The following SLC44A5 variants were observed in gnomAD, a reference collection of about 807,000 sequenced individuals.
SLC44A5 encodes solute carrier family 44 member 5.
A neutral mutation model predicts 101.8 loss-of-function variants in SLC44A5; 57 were observed. The ratio of observed to expected loss-of-function variants is 0.56; its 90% CI spans 0.45 to 0.70. The LOEUF (loss-of-function observed/expected upper bound fraction) is 0.70, where lower values mean the gene tolerates loss of function less well. Among genes scored for constraint, SLC44A5 ranks in the 30% least tolerant of loss-of-function variants. The pLI, the probability that SLC44A5 is intolerant of heterozygous loss-of-function variation, is 0.00. For missense variants in SLC44A5, 737 were observed against 853.1 expected (o/e 0.86, Z 1.70); for synonymous variants, 281 against 290.9 (o/e 0.97, Z 0.35).
chr1:75,350,001 A>G (rs980033113), intron 3 of SLC44A5, among the ~76,000 whole-genome samples: 3 of 152,144 alleles, frequency 2.0e-5, no homozygotes, highest in African/African-American at 4.8e-5. Context: ...GGAAATAAGA[A>G]AGCACAACAT....
the SLC44A5 span, among the ~76,000 whole-genome samples, chr1:75,688,042 C>T: frequency 2.0e-5 from 3 of 152,294 alleles, no homozygotes; most frequent in South Asian, 2.1e-4. Flanking sequence ...AGTCATAGTG[C>T]CTCTGCTCTC....
intron 6 of SLC44A5, among the ~76,000 whole-genome samples, chr1:75,271,446 T>G (rs1651461391): frequency 6.6e-6 from 1 of 151,152 alleles, no homozygotes; most frequent in South Asian, 2.1e-4. Flanking sequence ...CACCTCCTCA[T>G]AGTCTCCCCC....
intron 2 of SLC44A5, 91 bp from the exon 3 acceptor site, chr1:75,396,712 T>C (rs1383703646): frequency 4.0e-6 from 4 of 1,011,542 alleles, no homozygotes; most frequent in Non-Finnish European, 6.3e-6. Context: ...TAAAAAATCT[T>C]AGTCTTTAGA....
In SLC44A5 at chr1:75,420,730, C is replaced by A. The variant is rs187226030; in HGVS notation, c.14-24109G>T. Reference sequence around the variant, plus strand: ...TACTTTTTTGTTGATACATTGACCACATTATTTTCTTAATAATTACGATAA... The same window carrying A: ...TACTTTTTTGTTGATACATTGACCAAATTATTTTCTTAATAATTACGATAA... On this transcript the variant is annotated intron_variant, in intron 2 of 23. Coordinates refer to ENST00000370859, the MANE Select transcript of SLC44A5 (RefSeq NM_001130058.2). Among the ~76,000 whole-genome samples, 7 of 152,182 alleles carry A rather than the reference C, an allele frequency of 4.6e-5. No homozygotes were observed. In the East Asian group the frequency reaches 1.2e-3, roughly 25 times the overall value.
At chr1:75,600,384 A>G (rs1023442189) in intron 1 of SLC44A5, among the ~76,000 whole-genome samples, 1 of 152,162 alleles carries the variant, frequency 6.6e-6, no homozygotes, top group South Asian at 2.1e-4. Context: ...AACTTTTTCA[A>G]TGTCATACTC....
intron 2 of SLC44A5, among the ~76,000 whole-genome samples, chr1:75,448,773 T>C (rs1665730843): frequency 6.6e-6 from 1 of 152,166 alleles, no homozygotes; most frequent in African/African-American, 2.4e-5. Context: ...GCCAAAAGGC[T>C]CATTTTGAAA....
intron 2 of SLC44A5, among the ~76,000 whole-genome samples, chr1:75,534,181 A>G (rs1319958511): frequency 6.6e-6 from 1 of 152,198 alleles, no homozygotes; most frequent in East Asian, 1.9e-4. Flanking sequence ...CTGCTTTTAA[A>G]TGTAAAGGAA....
At chr1:75,475,380 A>G (rs1037814693) in intron 2 of SLC44A5, among the ~76,000 whole-genome samples, 1 of 152,092 alleles carries the variant, frequency 6.6e-6, no homozygotes, top group Non-Finnish European at 1.5e-5. Flanking sequence ...TTGTTTTGCT[A>G]CTCCTCTTGG....
the SLC44A5 span, among the ~76,000 whole-genome samples, chr1:75,714,203 C>A: frequency 6.6e-6 from 1 of 152,098 alleles, no homozygotes; most frequent in Non-Finnish European, 1.5e-5. Context: ...AGGCTTTATC[C>A]CTGGGATAAA....
At chr1:75,680,089 C>T in the SLC44A5 span, among the ~76,000 whole-genome samples, 1 of 152,168 alleles carries the variant, frequency 6.6e-6, no homozygotes, top group Non-Finnish European at 1.5e-5. Flanking sequence ...GCACCCAATA[C>T]AGGAGCACCC....
chr1:75,480,587 C>T (rs1212444853), intron 2 of SLC44A5, among the ~76,000 whole-genome samples: 1 of 152,110 alleles, frequency 6.6e-6, no homozygotes, highest in Admixed American at 6.5e-5. Flanking sequence ...GCAAAAATCA[C>T]AAGCATTCTT....
rs1210864058 is a variant in SLC44A5, at chr1:75,203,801, C to A, written c.2080G>T (p.Ala694Ser). 6.5e-6 allele frequency: 10 copies of A among 1,549,320 alleles called. No individual in the cohort carries two copies. In the East Asian group the frequency reaches 2.5e-4, roughly 38 times the overall value. The stretch of plus-strand genomic sequence containing the variant: ...GGTTGACTCACATAATAAGGTCTTG[C>A]AGTAGAACCATCATTTCTTTCTAAA... ...EDLERNDGSTARPYYVSQPLL... is the reference protein window; with the variant it reads ...EDLERNDGSTSRPYYVSQPLL... The change falls in exon 24 of 24, where the codon GCA becomes TCA. Residue 694 changes from alanine (A) to serine (S), a missense_variant. Ala to Ser is a moderately conservative substitution (Grantham distance 99). Coordinates refer to ENST00000370859, the MANE Select transcript of SLC44A5 (RefSeq NM_001130058.2).
At chr1:75,471,397 A>T (rs1176642621) in intron 2 of SLC44A5, among the ~76,000 whole-genome samples, 1 of 151,870 alleles carries the variant, frequency 6.6e-6, no homozygotes, top group Non-Finnish European at 1.5e-5. Flanking sequence ...ACACACACAC[A>T]CACACACACA....
chr1:75,438,124 G>A (rs1302859602), intron 2 of SLC44A5, among the ~76,000 whole-genome samples: 2 of 152,084 alleles, frequency 1.3e-5, no homozygotes, highest in Non-Finnish European at 2.9e-5. Flanking sequence ...TACTCAACAG[G>A]TTATGTGAAA....
the SLC44A5 span, among the ~76,000 whole-genome samples, chr1:75,657,307 T>C: frequency 6.6e-6 from 1 of 152,134 alleles, no homozygotes; most frequent in Non-Finnish European, 1.5e-5. Context: ...CCAGCACTTT[T>C]GGAGATGAAG....
intron 1 of SLC44A5, among the ~76,000 whole-genome samples, chr1:75,554,189 G>A (rs1467004243): frequency 6.6e-6 from 1 of 152,084 alleles, no homozygotes; most frequent in Admixed American, 6.6e-5. Flanking sequence ...AGTAATTGAA[G>A]TATCAGGCTG....
the SLC44A5 span, among the ~76,000 whole-genome samples, chr1:75,719,746 A>T: frequency 1.1e-4 from 17 of 152,080 alleles, no homozygotes; most frequent in Non-Finnish European, 1.2e-4. Context: ...TTGTTGTTTT[A>T]CTTCCGAGAA....
intron 7 of SLC44A5, among the ~76,000 whole-genome samples, chr1:75,243,298 A>T (rs1648814533): frequency 6.6e-6 from 1 of 151,792 alleles, no homozygotes; most frequent in Non-Finnish European, 1.5e-5. Flanking sequence ...CACCATGCCC[A>T]GCTAATTTTT....
chr1:75,488,874 G>T (rs1010077678), intron 2 of SLC44A5, among the ~76,000 whole-genome samples: 1 of 152,160 alleles, frequency 6.6e-6, no homozygotes, highest in African/African-American at 2.4e-5. Context: ...TTGAGACTGA[G>T]TTTCGATCTT....
Sources: allele counts gnomAD v4.1 joint callset (sites outside exome capture counted in the v4.1 genomes callset), GRCh38; gene constraint gnomAD v4.1.1; transcripts MANE v1.5; gene names NCBI Gene and HGNC (gene_info 2026-07-23, HGNC 2026-07-21).